INPP5A: variants seen among roughly 807,000 people sequenced by gnomAD.
INPP5A encodes 43 kDa inositol polyphosphate 5-phophatase.
In INPP5A, 14 loss-of-function variants were observed where a neutral mutation model predicts 65.2. The ratio of observed to expected loss-of-function variants is 0.21; its 90% confidence interval spans 0.14 to 0.34. The LOEUF is 0.34. Among genes scored for constraint, INPP5A ranks in the 10% least tolerant of loss-of-function variants. The pLI is 1.00. For missense variants in INPP5A, 431 were observed against 545.6 expected (o/e 0.79, Z 2.09); for synonymous variants, 207 against 208.3 (o/e 0.99, Z 0.05).
chr10:132,546,083 G>A lies in INPP5A; in HGVS notation c.75+7912G>A, dbSNP rs139655823. Among the ~76,000 whole-genome samples, 11 of 152,320 alleles carry A rather than the reference G, an allele frequency of 7.2e-5. No homozygotes were observed. Among genetic ancestry groups the A allele is most frequent in the African/African-American group, 2.6e-4 (11 of 41,580 alleles). Reference sequence around the variant, plus strand: ...ATGAGTGGCCGAGGCGTCTGGGGACGTCCTGGAGCCTGCAGCCCTTGGCCG... The same window carrying A: ...ATGAGTGGCCGAGGCGTCTGGGGACATCCTGGAGCCTGCAGCCCTTGGCCG... On this transcript the variant is annotated intron_variant, in intron 1 of 15. Coordinates refer to ENST00000368594, the MANE Select transcript of INPP5A (RefSeq NM_005539.5). This position sits in a 1 kb window ranked among gnomAD's most constrained non-coding sequence, Gnocchi z 5.7.
intron 2 of INPP5A, among the ~76,000 whole-genome samples, chr10:132,612,751 T>A (rs927374437): frequency 6.6e-6 from 1 of 152,210 alleles, no homozygotes; most frequent in African/African-American, 2.4e-5. Context: ...GGCTTCCTGG[T>A]TTGTGTTACA....
rs899326532 is a variant in INPP5A at position 132,705,896 on chromosome 10, C to T, written c.475-2417C>T. Among the ~76,000 whole-genome samples the T allele has an allele frequency of 1.2e-4, 18 of 152,132 alleles. No homozygotes were observed. Among genetic ancestry groups the T allele is most frequent in the African/African-American group, 3.1e-4 (13 of 41,406 alleles). On this transcript the variant is annotated intron_variant, in intron 6 of 15. Transcript: ENST00000368594. This position sits in a 1 kb window ranked among gnomAD's most constrained non-coding sequence, Gnocchi z 4.9. The stretch of plus-strand genomic sequence containing the variant: ...CTGCAAACCAAGAACGTCTATGAGA[C>T]GAGCAGACACCAGAATACAGACTCA...
chr10:132,552,726 G>A lies in INPP5A; in HGVS notation c.75+14555G>A, dbSNP rs1340690925. Among the ~76,000 whole-genome samples, 403 of 86,332 alleles carry A rather than the reference G, an allele frequency of 4.7e-3. 1 individual carries two copies. Among genetic ancestry groups the A allele is most frequent in the Middle Eastern group, 0.026 (2 of 78 alleles). The allele number at this position is 86,332 out of a possible 152,430, so 56.6% of individuals were successfully genotyped here. A position where few individuals can be genotyped will look rare whatever the true frequency, so the allele number is the denominator to read the frequency against. On this transcript the variant is annotated intron_variant, in intron 1 of 15. Coordinates refer to ENST00000368594, the MANE Select transcript of INPP5A (RefSeq NM_005539.5). ...TTCTCAGAGCCTTGGTGGCATATTGGGTAGGATAGGGAGGGAGGATTGGTG... is the reference window on the plus strand; with the variant it reads ...TTCTCAGAGCCTTGGTGGCATATTGAGTAGGATAGGGAGGGAGGATTGGTG...
intron 3 of INPP5A, among the ~76,000 whole-genome samples, chr10:132,649,311 T>C (rs1272474648): frequency 6.6e-6 from 1 of 152,260 alleles, no homozygotes; most frequent in African/African-American, 2.4e-5. Context: ...TGTTCCCAGT[T>C]GCTTTCAGCT....
At chr10:132,742,925 C>T (rs549018045) in intron 9 of INPP5A, among the ~76,000 whole-genome samples, 13 of 152,328 alleles carry the variant, frequency 8.5e-5, no homozygotes, top group Non-Finnish European at 1.3e-4. Context: ...GATGTTCCTA[C>T]GAACATCTGT....
At chr10:132,612,569 G>T (rs1209733019) in intron 2 of INPP5A, among the ~76,000 whole-genome samples, 2 of 152,148 alleles carry the variant, frequency 1.3e-5, no homozygotes, top group East Asian at 3.9e-4. Context: ...CACTCCTAGG[G>T]CTGCTCCAAG....
chr10:132,608,562 T>C (rs79899062), intron 2 of INPP5A, among the ~76,000 whole-genome samples: 3,543 of 152,318 alleles, frequency 0.023, 49 homozygotes, highest in South Asian at 0.039. Context: ...CTGGGGCCTG[T>C]GGCCGAGCAT....
At chr10:132,544,974 T>C (rs751633979) in intron 1 of INPP5A, among the ~76,000 whole-genome samples, 1 of 152,100 alleles carries the variant, frequency 6.6e-6, no homozygotes, top group Non-Finnish European at 1.5e-5. Flanking sequence ...CGATTCCTCA[T>C]GTTTTGAAGT....
At chr10:132,558,791 G>C (rs1332909309) in intron 1 of INPP5A, among the ~76,000 whole-genome samples, 1 of 152,234 alleles carries the variant, frequency 6.6e-6, no homozygotes, top group Non-Finnish European at 1.5e-5. Context: ...GTGGGACCAG[G>C]ATATTCCATG....
rs960582645 is a variant in INPP5A at position 132,644,471 on chromosome 10, C to T, written c.118-1397C>T. 3.9e-5 allele frequency among the ~76,000 whole-genome samples: 6 copies of T among 152,374 alleles called. No individual in the cohort carries two copies. The highest frequency in any genetic ancestry group is 3.9e-4 in the Admixed American group (6 of 15,312). On this transcript the variant is annotated intron_variant, in intron 2 of 15. Transcript: ENST00000368594. The surrounding 1 kb of genome is among the most constrained non-coding windows in gnomAD (Gnocchi z 6.5). Reference sequence around the variant, plus strand: ...TCTCCCCAGCCTGAGCCCGTCGTCCCTTGCTGGCTGCCCACTTGCTCAGCT... The same window carrying T: ...TCTCCCCAGCCTGAGCCCGTCGTCCTTTGCTGGCTGCCCACTTGCTCAGCT...
chr10:132,730,392 C>T (rs575906891), intron 9 of INPP5A, among the ~76,000 whole-genome samples: 32 of 152,238 alleles, frequency 2.1e-4, no homozygotes, highest in East Asian at 3.8e-4. Context: ...ACGTGCTGGC[C>T]GGGGCTGCGT....
intron 9 of INPP5A, among the ~76,000 whole-genome samples, chr10:132,730,628 A>G (rs1846067657): frequency 6.6e-6 from 1 of 152,224 alleles, no homozygotes; most frequent in African/African-American, 2.4e-5. Flanking sequence ...AGGAAGGGAA[A>G]GAAAACTGCG....
intron 3 of INPP5A, among the ~76,000 whole-genome samples, chr10:132,648,249 G>A (rs1347701243): frequency 3.9e-5 from 6 of 152,272 alleles, no homozygotes; most frequent in South Asian, 2.1e-4. Context: ...CGGGGACACC[G>A]CAGGCCGGAC....
At chr10:132,691,008 C>G (rs1050282550) in intron 5 of INPP5A, among the ~76,000 whole-genome samples, 1 of 152,222 alleles carries the variant, frequency 6.6e-6, no homozygotes, top group African/African-American at 2.4e-5. Flanking sequence ...TCCCGTCTGA[C>G]GCTATCGTTT....
At chr10:132,756,229 G>T (rs1290024660) in intron 11 of INPP5A, among the ~76,000 whole-genome samples, 3 of 152,172 alleles carry the variant, frequency 2.0e-5, no homozygotes, top group Non-Finnish European at 4.4e-5. Context: ...TTTGTGTGGT[G>T]TATGTATGCG....
chr10:132,633,623 C>T (rs1469604969), intron 2 of INPP5A, among the ~76,000 whole-genome samples: 2 of 152,138 alleles, frequency 1.3e-5, no homozygotes, highest in African/African-American at 4.8e-5. Context: ...CTCTTTTCTC[C>T]CTGGCCTTGC....
At chr10:132,682,041 G>T (rs992594961) in intron 4 of INPP5A, among the ~76,000 whole-genome samples, 1 of 152,066 alleles carries the variant, frequency 6.6e-6, no homozygotes, top group Non-Finnish European at 1.5e-5. Context: ...TGGGGAGAGC[G>T]GGAAGGGAAG....
At chr10:132,692,009 A>C (rs1432826543) in intron 5 of INPP5A, among the ~76,000 whole-genome samples, 1 of 152,170 alleles carries the variant, frequency 6.6e-6, no homozygotes, top group Non-Finnish European at 1.5e-5. Context: ...TCAGTGCCCC[A>C]CACGGCAGGT....
chr10:132,636,883 C>G (rs750204252), intron 2 of INPP5A, among the ~76,000 whole-genome samples: 3 of 152,158 alleles, frequency 2.0e-5, no homozygotes, highest in Non-Finnish European at 4.4e-5. Flanking sequence ...TTTGAAGAGA[C>G]TGGTGCTGGT....
Sources: allele counts gnomAD v4.1 joint callset (sites outside exome capture counted in the v4.1 genomes callset), GRCh38; gene constraint gnomAD v4.1.1; non-coding constraint Gnocchi (gnomAD v3.1); transcripts MANE v1.5; gene names NCBI Gene and HGNC (gene_info 2026-07-23, HGNC 2026-07-21).